The following TRA2A variants were observed in gnomAD, a reference collection of about 807,000 sequenced individuals.
TRA2A encodes transformer 2 alpha homolog.
Under a neutral mutation model 45.7 loss-of-function variants are expected in TRA2A, and 31 were observed. The observed-to-expected ratio is 0.68, with a 90% CI of 0.51 to 0.92. TRA2A has a LOEUF of 0.92. TRA2A is among the 40% of genes least tolerant of loss of function. The pLI is 0.00. For synonymous variants in TRA2A, 132 were observed against 126.2 expected (o/e 1.05, Z -0.31); for missense variants, 304 against 367.5 (o/e 0.83, Z 1.41).
At position 23,521,695 on chromosome 7, in the gene TRA2A, A is replaced by C; in HGVS notation, c.170+12T>G. ...AGAAGAATATTTTAAGTATTATCTTAAACACACTTACCTGGATTTTGATCT... is the reference window on the plus strand; with the variant it reads ...AGAAGAATATTTTAAGTATTATCTTCAACACACTTACCTGGATTTTGATCT... On this transcript the variant is annotated intron_variant, in intron 2 of 7. Coordinates refer to ENST00000297071, the MANE Select transcript of TRA2A (RefSeq NM_013293.5). The C allele has an allele frequency of 6.2e-7, 1 of 1,613,900 alleles. No individual in the cohort carries two copies. The highest frequency in any genetic ancestry group is 8.5e-7 in the Non-Finnish European group (1 of 1,179,848).
chr7:23,516,945 T>C (rs1372929561), intron 2 of TRA2A, among the ~76,000 whole-genome samples: 1 of 150,878 alleles, frequency 6.6e-6, no homozygotes, highest in Non-Finnish European at 1.5e-5. Context: ...TCGTCTCTAC[T>C]AAAAATACAA....
intron 1 of TRA2A, among the ~76,000 whole-genome samples, chr7:23,529,462 G>C (rs1790477183): frequency 6.6e-6 from 1 of 152,052 alleles, no homozygotes; most frequent in Non-Finnish European, 1.5e-5. Context: ...GTTTCACCAC[G>C]TTGGGCAGGC....
chr7:23,528,481 C>CAGG (rs1790431559), intron 1 of TRA2A, among the ~76,000 whole-genome samples: 1 of 152,160 alleles, frequency 6.6e-6, no homozygotes, highest in Admixed American at 6.5e-5. Flanking sequence ...GCTGGGATTA[C>CAGG]AGGCGTGAGC....
intron 1 of TRA2A, among the ~76,000 whole-genome samples, chr7:23,526,616 T>C (rs1038700333): frequency 1.3e-5 from 2 of 152,132 alleles, no homozygotes; most frequent in East Asian, 3.8e-4. Context: ...TCTGCTTCCT[T>C]CCCCTTGAGT....
chr7:23,525,558 G>A (rs1397709553), intron 1 of TRA2A, among the ~76,000 whole-genome samples: 1 of 152,222 alleles, frequency 6.6e-6, no homozygotes, highest in African/African-American at 2.4e-5. Flanking sequence ...AAGCCAGGCA[G>A]AAAAGTTCTT....
Position 23,511,389 on chromosome 7 carries a change from AAAAAAAAAAAAAAAAAAAAAAG to A in TRA2A, c.525+1483_525+1504del, listed in dbSNP as rs1163311564. On this transcript the variant is annotated intron_variant, in intron 4 of 7. Transcript: ENST00000297071. ...CCATCTCAAAAAAAAAAAAAAAAAA[AAAAAAAAAAAAAAAAAAAAAAG>A]AAAAGAAAAGAAAAGAAAAACACCC... is the stretch of plus-strand genomic sequence containing the variant. Among the ~76,000 whole-genome samples, 30 of 41,624 alleles carry A rather than the reference AAAAAAAAAAAAAAAAAAAAAAG, an allele frequency of 7.2e-4. 1 individual carries two copies. Among genetic ancestry groups the A allele is most frequent in the African/African-American group, 3.6e-3 (28 of 7,834 alleles). 27.3% of individuals were successfully genotyped at this position (41,624 alleles called of 152,430 possible).
intron 1 of TRA2A, among the ~76,000 whole-genome samples, chr7:23,527,907 A>AT (rs1170380967): frequency 6.6e-6 from 1 of 152,056 alleles, no homozygotes; most frequent in Non-Finnish European, 1.5e-5. Flanking sequence ...TGAGATTTTA[A>AT]TTTTTTTTAA....
At chr7:23,524,208 G>C (rs900030530) in intron 1 of TRA2A, among the ~76,000 whole-genome samples, 1 of 152,060 alleles carries the variant, frequency 6.6e-6, no homozygotes, top group African/African-American at 2.4e-5. Flanking sequence ...TAAGAAGGAG[G>C]AGTCTCATTC....
chr7:23,517,966 T>C (rs1429350238), intron 2 of TRA2A, among the ~76,000 whole-genome samples: 5 of 151,216 alleles, frequency 3.3e-5, no homozygotes, highest in African/African-American at 1.2e-4. Flanking sequence ...TTTCTCCATA[T>C]AGTTCTTTGT....
intron 3 of TRA2A, among the ~76,000 whole-genome samples, chr7:23,515,830 G>C (rs942904311): frequency 6.6e-6 from 1 of 151,504 alleles, no homozygotes; most frequent in Non-Finnish European, 1.5e-5. Context: ...ACAGGTGTGA[G>C]CCACCACGCC....
Position 23,521,716 on chromosome 7 carries a change from G to A in TRA2A, c.161C>T (p.Ser54Leu). 4 of 1,614,038 alleles carry A rather than the reference G, an allele frequency of 2.5e-6. No individual in the cohort carries two copies. The highest frequency in any genetic ancestry group is 3.4e-6 in the Non-Finnish European group (4 of 1,179,976). Residue 54 changes from serine (S) to leucine (L), a missense_variant, in exon 2 of 8, where the codon TCA becomes TTA. By Grantham distance (145) the Ser-to-Leu change is moderately radical. This residue lies in a region of TRA2A where 132 missense variants were observed against 113.4 expected (regional missense o/e 1.16). Transcript: ENST00000297071. The part of the protein sequence containing the change: ...KHSESHSRSR[S>L]KSRSRSRRHS... ...TCTTAAACACACTTACCTGGATTTT[G>A]ATCTTGATCGAGAATGGGATTCAGA...
Position 23,510,427 on chromosome 7 carries a change from T to G in TRA2A, c.525+2467A>C, listed in dbSNP as rs1789546494. 3.3e-5 allele frequency among the ~76,000 whole-genome samples: 5 copies of G among 152,190 alleles called. No homozygotes were observed. In the South Asian group the frequency reaches 1.0e-3, roughly 32 times the overall value. Reference sequence around the variant, plus strand: ...TCACTGCAACCTCCGCCTCCTAGGTTCAAGCAATTCTCCTGCCTCAGCCTC... The same window carrying G: ...TCACTGCAACCTCCGCCTCCTAGGTGCAAGCAATTCTCCTGCCTCAGCCTC... On this transcript the variant is annotated intron_variant, in intron 4 of 7. Transcript: ENST00000297071.
chr7:23,506,036 A>G (rs1218078127), intron 6 of TRA2A, 102 bp downstream of exon 6: 3 of 1,068,740 alleles, frequency 2.8e-6, no homozygotes, highest in East Asian at 2.4e-5. Flanking sequence ...TATATGATCT[A>G]TTTTAAAAAT....
intron 1 of TRA2A, chr7:23,531,510 G>T: frequency 1.8e-6 from 1 of 554,734 alleles, no homozygotes; most frequent in Non-Finnish European, 3.2e-6. Flanking sequence ...AAGCCTCAGG[G>T]GTGGGGAGAA....
chr7:23,505,353 T>C lies in TRA2A; in HGVS notation c.*206A>G. 2.3e-6 allele frequency: 1 copy of C among 426,594 alleles called. No homozygotes were observed. Among genetic ancestry groups the C allele is most frequent in the Non-Finnish European group, 4.2e-6 (1 of 240,400 alleles). The allele number at this position is 426,594 out of a possible 1,614,324, so 26.4% of individuals were successfully genotyped here. ...TTTTATACTCAAGATGTTTAACTGT[T>C]CAAAATGACAACAATTACATCTTTT... On this transcript the variant is annotated 3_prime_UTR_variant, in exon 8 of 8. Transcript: ENST00000297071.
intron 1 of TRA2A, chr7:23,522,290 T>C: frequency 8.7e-7 from 1 of 1,146,866 alleles, no homozygotes; most frequent in Non-Finnish European, 1.1e-6. Context: ...CAAGTGCTTC[T>C]ATCTGACCAA....
At chr7:23,509,275 C>T (rs1344657092) in intron 4 of TRA2A, among the ~76,000 whole-genome samples, 1 of 151,970 alleles carries the variant, frequency 6.6e-6, no homozygotes, top group Admixed American at 6.5e-5. Flanking sequence ...TAAGCACCCC[C>T]CAAAAAAACA....
intron 4 of TRA2A, among the ~76,000 whole-genome samples, chr7:23,507,837 A>G (rs930558108): frequency 2.6e-5 from 4 of 152,202 alleles, no homozygotes; most frequent in Admixed American, 2.0e-4. Flanking sequence ...ACTTTCCTAA[A>G]TAATTTTCCA....
rs562012409 is a variant in TRA2A at position 23,522,039 on chromosome 7, G to T, written c.37-199C>A. On this transcript the variant is annotated intron_variant, in intron 1 of 7. Coordinates refer to ENST00000297071, the MANE Select transcript of TRA2A (RefSeq NM_013293.5). ...CCTCAATAATTCCCTACTTGAACCA[G>T]ATCACCAATTCTCTATTAACTAAGT... 8.6e-6 allele frequency: 12 copies of T among 1,396,272 alleles called. No homozygotes were observed. In the East Asian group the frequency reaches 3.2e-4, roughly 37 times the overall value. The allele number at this position is 1,396,272 out of a possible 1,614,324, so 86.5% of individuals were successfully genotyped here.
Sources: gnomAD v4.1 joint callset for allele counts (sites outside exome capture counted in the v4.1 genomes callset) on GRCh38, gnomAD v4.1.1 for gene constraint, gnomAD v4.1.1 regional missense constraint, MANE v1.5 for transcripts, NCBI Gene and HGNC (gene_info 2026-07-23, HGNC 2026-07-21) for gene names.